TRPC7: variants seen among roughly 807,000 people sequenced by gnomAD.
TRPC7 encodes the protein short transient receptor potential channel 7.
In TRPC7, 42 loss-of-function variants were observed where a neutral mutation model predicts 90.1. The ratio of observed to expected loss-of-function variants is 0.47; its 90% CI spans 0.36 to 0.60. The LOEUF is 0.60. Ranked by LOEUF, TRPC7 falls within the 20% of genes least tolerant of loss-of-function variation. TRPC7 has a pLI of 0.00. For missense variants in TRPC7, 955 were observed against 1,112.3 expected, an observed-to-expected ratio of 0.86 and a Z score of 2.01; for synonymous variants, 451 against 436.3, an observed-to-expected ratio of 1.03 and a Z score of -0.42.
chr5:136,344,226 G>A (rs573731950), intron 2 of TRPC7, among the ~76,000 whole-genome samples: 24 of 152,070 alleles, frequency 1.6e-4, no homozygotes, highest in South Asian at 6.2e-4. Context: ...AACACTGAGC[G>A]CAAATGGACA....
At chr5:136,319,510 T>C (rs1348140584) in intron 2 of TRPC7, among the ~76,000 whole-genome samples, 1 of 152,174 alleles carries the variant, frequency 6.6e-6, no homozygotes, top group Non-Finnish European at 1.5e-5. Context: ...CTTCAATGAC[T>C]ACTCTAATTT....
At chr5:136,255,765 G>A (rs1756668789) in intron 5 of TRPC7, among the ~76,000 whole-genome samples, 1 of 152,178 alleles carries the variant, frequency 6.6e-6, no homozygotes, top group Admixed American at 6.5e-5. Flanking sequence ...ATCCTATAAA[G>A]TACGTTCTGT....
intron 5 of TRPC7, 66 bp from the exon 6 acceptor site, chr5:136,251,948 C>CACA: frequency 4.7e-6 from 6 of 1,289,696 alleles, no homozygotes; most frequent in Non-Finnish European, 5.6e-6. Context: ...CGCATGAGGT[C>CACA]ATGGAGGGAA....
intron 3 of TRPC7, among the ~76,000 whole-genome samples, chr5:136,298,786 C>T (rs1758269919): frequency 1.3e-5 from 2 of 152,226 alleles, no homozygotes; most frequent in South Asian, 4.1e-4. Context: ...CCCCATCCTG[C>T]TTCTGCCCCT....
intron 3 of TRPC7, among the ~76,000 whole-genome samples, chr5:136,312,310 T>G (rs1050457945): frequency 6.6e-6 from 1 of 152,160 alleles, no homozygotes; most frequent in African/African-American, 2.4e-5. Flanking sequence ...CAGGGAGACA[T>G]TTCTAGCATT....
chr5:136,235,372 GAAAT>G (rs1407984637), intron 7 of TRPC7, among the ~76,000 whole-genome samples: 3 of 152,178 alleles, frequency 2.0e-5, no homozygotes, highest in Non-Finnish European at 4.4e-5. Context: ...CATGTGGCAG[GAAAT>G]AAATGAAACT....
intron 4 of TRPC7, among the ~76,000 whole-genome samples, chr5:136,270,201 G>A (rs143522290): frequency 6.6e-6 from 1 of 152,328 alleles, no homozygotes; most frequent in African/African-American, 2.4e-5. Flanking sequence ...CGGTGCATTT[G>A]CATGCAGCCA....
chr5:136,287,397 A>G (rs1757756522), intron 3 of TRPC7, among the ~76,000 whole-genome samples: 1 of 151,930 alleles, frequency 6.6e-6, no homozygotes, highest in South Asian at 2.1e-4. Flanking sequence ...AGACCAGGAA[A>G]GGGGAGTGGG....
intron 3 of TRPC7, among the ~76,000 whole-genome samples, chr5:136,280,232 C>T (rs1757504140): frequency 6.6e-6 from 1 of 152,146 alleles, no homozygotes; most frequent in Non-Finnish European, 1.5e-5. Flanking sequence ...TTCCTCAGCC[C>T]CCAAAGACAT....
intron 2 of TRPC7, among the ~76,000 whole-genome samples, chr5:136,352,437 CA>C (rs1173692893): frequency 6.6e-6 from 1 of 151,902 alleles, no homozygotes; most frequent in Non-Finnish European, 1.5e-5. Flanking sequence ...AGGAGACTAG[CA>C]AAATAAAATG....
chr5:136,243,140 TC>T (rs1054462920), intron 7 of TRPC7, among the ~76,000 whole-genome samples: 1 of 152,184 alleles, frequency 6.6e-6, no homozygotes, highest in African/African-American at 2.4e-5. Context: ...TTGCCCTTCC[TC>T]TTCCCCTTGG....
At chr5:136,288,247 C>A in intron 3 of TRPC7, among the ~76,000 whole-genome samples, 1 of 152,106 alleles carries the variant, frequency 6.6e-6, no homozygotes, top group African/African-American at 2.4e-5. Flanking sequence ...AGATATCTTA[C>A]CAGCAAGAGG....
chr5:136,251,562 C>T lies in TRPC7; in HGVS notation c.1579+87G>A, dbSNP rs75543937. The stretch of plus-strand genomic sequence containing the variant: ...TCATGGGCCACTTGATTACAAATAG[C>T]GTTACAAGTTCACCAGCCACAGTGA... On this transcript the variant is annotated intron_variant, in intron 6 of 11. Transcript: ENST00000513104. 3.1e-3 allele frequency: 3,318 copies of T among 1,064,216 alleles called. 29 individuals carry two copies. The highest frequency in any genetic ancestry group is 0.02 in the African/African-American group (1,255 of 63,680). The allele number at this position is 1,064,216 out of a possible 1,614,324, so 65.9% of individuals were successfully genotyped here.
intron 4 of TRPC7, among the ~76,000 whole-genome samples, chr5:136,269,851 G>A (rs1757152503): frequency 6.6e-6 from 1 of 152,170 alleles, no homozygotes; most frequent in Admixed American, 6.5e-5. Context: ...TAGTGGTGGT[G>A]TTACTGGGTG....
At chr5:136,223,443 A>T (rs537944071) in intron 10 of TRPC7, among the ~76,000 whole-genome samples, 3 of 152,064 alleles carry the variant, frequency 2.0e-5, no homozygotes, top group Admixed American at 2.0e-4. Context: ...GTGAAACCCC[A>T]TCTCTACTAA....
intron 2 of TRPC7, among the ~76,000 whole-genome samples, chr5:136,338,432 T>C (rs1759735635): frequency 6.6e-6 from 1 of 152,182 alleles, no homozygotes; most frequent in Non-Finnish European, 1.5e-5. Context: ...TTCTTGACCA[T>C]ATAGGGAGTA....
intron 5 of TRPC7, among the ~76,000 whole-genome samples, chr5:136,258,717 C>T (rs978949191): frequency 1.3e-5 from 2 of 152,222 alleles, no homozygotes; most frequent in Non-Finnish European, 2.9e-5. Flanking sequence ...CAGTTCACTC[C>T]TATCCCTGCC....
chr5:136,339,872 AC>A (rs1759788241), intron 2 of TRPC7, among the ~76,000 whole-genome samples: 1 of 152,156 alleles, frequency 6.6e-6, no homozygotes, highest in Non-Finnish European at 1.5e-5. Context: ...AACAACAACA[AC>A]AAAGTGAGAG....
chr5:136,237,163 T>C (rs999416990), intron 7 of TRPC7, among the ~76,000 whole-genome samples: 1 of 152,160 alleles, frequency 6.6e-6, no homozygotes, highest in Admixed American at 6.5e-5. Flanking sequence ...AACTCATCCC[T>C]TCCTTGGCCC....
Sources: allele counts gnomAD v4.1 joint callset (sites outside exome capture counted in the v4.1 genomes callset), GRCh38; gene constraint gnomAD v4.1.1; transcripts MANE v1.5; gene names NCBI Gene and HGNC (gene_info 2026-07-23, HGNC 2026-07-21).